GRIK3: variants seen among roughly 807,000 people sequenced by gnomAD.
GRIK3 encodes glutamate receptor ionotropic, kainate 3.
In GRIK3, 29 loss-of-function variants were observed where a neutral mutation model predicts 102.5. The ratio of observed to expected loss-of-function variants is 0.28; its 90% CI spans 0.21 to 0.39. The LOEUF (loss-of-function observed/expected upper bound fraction) is 0.39. Ranked by LOEUF, GRIK3 falls within the 10% of genes least tolerant of loss-of-function variation. The probability of loss-of-function intolerance (pLI) is 1.00; values close to 1 mark genes in which losing one functional copy is unlikely to be tolerated. For synonymous variants in GRIK3, 511 were observed against 504.9 expected (o/e 1.01, Z -0.16); for missense variants, 908 against 1,252.4 (o/e 0.73, Z 4.15).
intron 1 of GRIK3, among the ~76,000 whole-genome samples, chr1:36,977,577 C>T (rs958822155): frequency 2.6e-5 from 4 of 152,268 alleles, no homozygotes; most frequent in South Asian, 2.1e-4. Flanking sequence ...CATTCCCCTG[C>T]GATGCTTCCT....
intron 1 of GRIK3, among the ~76,000 whole-genome samples, chr1:36,957,884 CT>C (rs1391089727): frequency 6.6e-5 from 5 of 75,604 alleles, no homozygotes; most frequent in East Asian, 4.8e-4. Context: ...CTCTGTGCCC[CT>C]GAGTCTGTGT....
intron 1 of GRIK3, among the ~76,000 whole-genome samples, chr1:36,990,931 T>G (rs1215705097): frequency 2.0e-5 from 3 of 152,160 alleles, no homozygotes; most frequent in African/African-American, 7.2e-5. Context: ...GCAATACTTT[T>G]ACCTCCACAG....
intron 1 of GRIK3, among the ~76,000 whole-genome samples, chr1:36,953,144 C>G (rs1437514982): frequency 6.6e-6 from 1 of 152,218 alleles, no homozygotes; most frequent in African/African-American, 2.4e-5. Context: ...CACAACACTT[C>G]ACTGCTAGCA....
At chr1:36,885,363 T>A (rs529461240) in intron 2 of GRIK3, among the ~76,000 whole-genome samples, 1 of 152,274 alleles carries the variant, frequency 6.6e-6, no homozygotes, top group African/African-American at 2.4e-5. Flanking sequence ...GATGTTGCTG[T>A]CATGGCAGTG....
chr1:36,841,181 TC>T (rs1388877880), intron 10 of GRIK3, among the ~76,000 whole-genome samples: 1 of 152,086 alleles, frequency 6.6e-6, no homozygotes, highest in East Asian at 1.9e-4. Context: ...CTCCCAGCTG[TC>T]CTCAGTCCTC....
At chr1:36,950,917 T>G (rs1040103562) in intron 1 of GRIK3, among the ~76,000 whole-genome samples, 11 of 151,554 alleles carry the variant, frequency 7.3e-5, no homozygotes, top group African/African-American at 2.7e-4. Flanking sequence ...GGGTCTGGAG[T>G]GGGGCAGGAG....
At chr1:37,009,745 C>A (rs1323960466) in intron 1 of GRIK3, among the ~76,000 whole-genome samples, 1 of 152,120 alleles carries the variant, frequency 6.6e-6, no homozygotes, top group Non-Finnish European at 1.5e-5. Flanking sequence ...CATAATGCAT[C>A]GCATCATAGC....
At chr1:36,838,595 G>A (rs368421227) in intron 10 of GRIK3, among the ~76,000 whole-genome samples, 3 of 152,146 alleles carry the variant, frequency 2.0e-5, no homozygotes, top group Admixed American at 6.5e-5. Context: ...CATGTGGCAC[G>A]GGACAGAGGC....
intron 1 of GRIK3, among the ~76,000 whole-genome samples, chr1:36,972,970 A>C (rs149998191): frequency 6.6e-6 from 1 of 152,276 alleles, no homozygotes; most frequent in East Asian, 1.9e-4. Flanking sequence ...AGCTTGTACT[A>C]GGTGCCCACT....
intron 1 of GRIK3, among the ~76,000 whole-genome samples, chr1:36,986,417 T>TCCATCCATCCAG (rs1642305872): frequency 1.3e-4 from 1 of 7,972 alleles, no homozygotes; most frequent in African/African-American, 2.0e-4. Flanking sequence ...CATCTCTCTG[T>TCCATCCATCCAG]CCATCCATCC....
chr1:36,945,423 G>A (rs1362059829), intron 1 of GRIK3, among the ~76,000 whole-genome samples: 1 of 152,160 alleles, frequency 6.6e-6, no homozygotes, highest in East Asian at 1.9e-4. Flanking sequence ...CAGGCCTCTG[G>A]GTTTCGGCCA....
chr1:36,860,719 G>C (rs1640713562), intron 5 of GRIK3, among the ~76,000 whole-genome samples: 1 of 152,220 alleles, frequency 6.6e-6, no homozygotes, highest in Non-Finnish European at 1.5e-5. Flanking sequence ...GGCAGAGAGG[G>C]GAAGCAGGTG....
intron 1 of GRIK3, among the ~76,000 whole-genome samples, chr1:36,962,654 G>A (rs1306245461): frequency 2.0e-5 from 3 of 151,710 alleles, no homozygotes; most frequent in African/African-American, 7.3e-5. Context: ...GAGAGAGAGA[G>A]AGAGAGAGAG....
At position 36,891,109 on chromosome 1, in the gene GRIK3, A is replaced by C. The variant is rs776125921; in HGVS notation, c.116-13T>G. The stretch of plus-strand genomic sequence containing the variant: ...TCGAAGATTCCTCCTGTGAAAGATG[A>C]GTAAAATTGTGTGTGGTTGGGAGGA... On this transcript the variant is annotated splice_polypyrimidine_tract_variant and intron_variant, in intron 1 of 15. Transcript: ENST00000373091. The C allele has an allele frequency of 6.2e-7, 1 of 1,603,006 alleles. No individual in the cohort carries two copies. Among genetic ancestry groups the C allele is most frequent in the Non-Finnish European group, 8.5e-7 (1 of 1,172,778 alleles).
At chr1:37,021,223 C>T (rs1021450293) in intron 1 of GRIK3, among the ~76,000 whole-genome samples, 1 of 151,380 alleles carries the variant, frequency 6.6e-6, no homozygotes, top group Non-Finnish European at 1.5e-5. Flanking sequence ...CTGTTTTTTT[C>T]CCATGGCTCA....
At position 36,958,963 on chromosome 1, in the gene GRIK3, C is replaced by T. The variant is rs200461948; in HGVS notation, c.116-67867G>A. Among the ~76,000 whole-genome samples, 4 of 99,710 alleles carry T rather than the reference C, an allele frequency of 4.0e-5. 2 individuals are homozygous for T. The highest frequency in any genetic ancestry group is 1.0e-3 in the East Asian group (2 of 1,952). The allele number at this position is 99,710 out of a possible 152,430, so 65.4% of individuals were successfully genotyped here. On this transcript the variant is annotated intron_variant, in intron 1 of 15. Transcript: ENST00000373091. ...AGCCTGTGTGCCCTGTGAGCCTGCA[C>T]CCCATGAGCCTCTGTGACCTGTGAG...
Position 36,806,915 on chromosome 1 carries a change from G to A in GRIK3, c.2092-589C>T, listed in dbSNP as rs1374172009. On this transcript the variant is annotated intron_variant, in intron 13 of 15. Transcript: ENST00000373091. This position sits in a 1 kb window ranked among gnomAD's most constrained non-coding sequence, Gnocchi z 4.0. Reference sequence around the variant, plus strand: ...GGAGGGGGAGAGACAGCTGCTCATCGGGGCAAAGCTGAGTGGGTCCTGGGC... The same window carrying A: ...GGAGGGGGAGAGACAGCTGCTCATCAGGGCAAAGCTGAGTGGGTCCTGGGC... Among the ~76,000 whole-genome samples the A allele has an allele frequency of 6.6e-6, 1 of 152,166 alleles. No individual in the cohort carries two copies. Among genetic ancestry groups the A allele is most frequent in the Non-Finnish European group, 1.5e-5 (1 of 68,024 alleles).
intron 1 of GRIK3, among the ~76,000 whole-genome samples, chr1:36,957,915 C>T (rs199679607): frequency 1.3e-5 from 1 of 75,104 alleles, no homozygotes; most frequent in African/African-American, 7.4e-5. Context: ...GTCTGTGCCC[C>T]GTGAGCCTGT....
At chr1:37,011,698 C>T (rs1557462831) in intron 1 of GRIK3, among the ~76,000 whole-genome samples, 1 of 152,172 alleles carries the variant, frequency 6.6e-6, no homozygotes, top group South Asian at 2.1e-4. Flanking sequence ...AGATTACATA[C>T]ACATGGTAAA....
Sources: allele counts gnomAD v4.1 joint callset (sites outside exome capture counted in the v4.1 genomes callset), GRCh38; gene constraint gnomAD v4.1.1; non-coding constraint Gnocchi (gnomAD v3.1); transcripts MANE v1.5; gene names NCBI Gene and HGNC (gene_info 2026-07-23, HGNC 2026-07-21).